HHLA1: variants seen among roughly 807,000 people sequenced by gnomAD.
The protein encoded by HHLA1 is HHLA1 neighbor of OC90.
HHLA1 carries 72 observed loss-of-function variants against 69.9 expected under a neutral mutation model. The observed-to-expected ratio is 1.03, with a 90% CI of 0.85 to 1.25. HHLA1 has a LOEUF of 1.25. Among genes scored for constraint, HHLA1 ranks in the 50% most tolerant of loss-of-function variants. The probability of loss-of-function intolerance (pLI) is 0.00; values close to 1 mark genes in which losing one functional copy is unlikely to be tolerated. For missense variants in HHLA1, 685 were observed against 642.2 expected, an observed-to-expected ratio of 1.07 and a Z score of -0.72; for synonymous variants, 252 against 233.2, an observed-to-expected ratio of 1.08 and a Z score of -0.73.
At position 132,061,604 on chromosome 8, in the gene HHLA1, T is replaced by A. The variant is rs1214707199; in HGVS notation, c.*2391A>T. ...CATCTGCTAACCACTGGTGGCCACA[T>A]ACATACACACTAATTAGTAGGAGTT... On this transcript the variant is annotated 3_prime_UTR_variant, in exon 17 of 17. Transcript: ENST00000414222. 1 of 152,266 alleles carries A rather than the reference T, an allele frequency of 6.6e-6. No individual in the cohort carries two copies. Among genetic ancestry groups the A allele is most frequent in the Non-Finnish European group, 1.5e-5 (1 of 68,106 alleles). The allele number at this position is 152,266 out of a possible 1,614,324, so 9.4% of individuals were successfully genotyped here.
chr8:132,085,159 G>C (rs185017343), intron 10 of HHLA1, among the ~76,000 whole-genome samples: 1 of 152,210 alleles, frequency 6.6e-6, no homozygotes, highest in African/African-American at 2.4e-5. Flanking sequence ...TGAAACGTGA[G>C]TGTATAATCA....
chr8:132,087,809 C>A, intron 9 of HHLA1, 36 bp downstream of exon 9: 1 of 1,546,338 alleles, frequency 6.5e-7, no homozygotes, highest in Non-Finnish European at 8.8e-7. Context: ...TATTTCTCAG[C>A]CCAGAGAGCT....
At position 132,101,200 on chromosome 8, in the gene HHLA1, C is replaced by T. The variant is rs148536818; in HGVS notation, c.140-1066G>A. 12 of 1,549,788 alleles carry T rather than the reference C, an allele frequency of 7.7e-6. No individual in the cohort carries two copies. The African/African-American group carries it at 1.1e-4, about 14-fold the overall frequency. On this transcript the variant is annotated intron_variant, in intron 3 of 16. Coordinates refer to ENST00000414222, the MANE Select transcript of HHLA1 (RefSeq NM_001145095.3). The stretch of plus-strand genomic sequence containing the variant: ...AGTCTGAAAAATGTGCCCTGCATTA[C>T]AGAGTAAGTCAGGATTTAGGGCTGC...
At chr8:132,084,289 G>A (rs1823820785) in intron 10 of HHLA1, among the ~76,000 whole-genome samples, 1 of 152,094 alleles carries the variant, frequency 6.6e-6, no homozygotes, top group South Asian at 2.1e-4. Context: ...GCCTGGCGAG[G>A]AGCAGCCTGG....
At chr8:132,075,549 G>A (rs1823620239) in intron 14 of HHLA1, among the ~76,000 whole-genome samples, 1 of 152,176 alleles carries the variant, frequency 6.6e-6, no homozygotes, top group Admixed American at 6.5e-5. Flanking sequence ...GGATGGAAAG[G>A]GTAGGTATCC....
intron 15 of HHLA1, among the ~76,000 whole-genome samples, chr8:132,069,342 C>A (rs1249850384): frequency 6.6e-6 from 1 of 152,072 alleles, no homozygotes; most frequent in East Asian, 1.9e-4. Context: ...ACATTGCCAA[C>A]TTTCCCACCA....
chr8:132,104,522 C>T (rs554559789), intron 2 of HHLA1, among the ~76,000 whole-genome samples: 4 of 151,948 alleles, frequency 2.6e-5, no homozygotes, highest in Non-Finnish European at 5.9e-5. Context: ...TGAGAGGGGG[C>T]GTTGAGCTGA....
At chr8:132,069,464 G>A (rs1241088825) in intron 15 of HHLA1, among the ~76,000 whole-genome samples, 4 of 152,088 alleles carry the variant, frequency 2.6e-5, no homozygotes, top group East Asian at 1.9e-4. Context: ...TATATTCAGT[G>A]TATGAGTTTA....
intron 14 of HHLA1, among the ~76,000 whole-genome samples, chr8:132,072,989 A>T (rs1823574541): frequency 6.6e-6 from 1 of 152,164 alleles, no homozygotes; most frequent in South Asian, 2.1e-4. Context: ...TTTCCCCTCA[A>T]ATTCCCCATT....
intron 10 of HHLA1, among the ~76,000 whole-genome samples, chr8:132,087,403 A>G (rs560100868): frequency 6.6e-6 from 1 of 152,282 alleles, no homozygotes; most frequent in East Asian, 1.9e-4. Context: ...TGCCCTTCCT[A>G]GTGGGGGAAT....
At chr8:132,065,501 C>G (rs1823419957) in intron 16 of HHLA1, among the ~76,000 whole-genome samples, 1 of 152,194 alleles carries the variant, frequency 6.6e-6, no homozygotes, top group Non-Finnish European at 1.5e-5. Flanking sequence ...CCAGGATGGT[C>G]TCGATCTCCT....
In HHLA1 at chr8:132,098,935, G is replaced by T; in HGVS notation, c.227C>A (p.Ser76Tyr). ...TELPARSIDL[S>Y]ALNLTELVNG... Reference sequence around the variant, plus strand: ...CACAAGCTCTGTCAGGTTAAGCGCGGACAGATCGATTGACCTTGCGGGCAG... The same window carrying T: ...CACAAGCTCTGTCAGGTTAAGCGCGTACAGATCGATTGACCTTGCGGGCAG... The change falls in exon 5 of 17, where the codon TCC (serine) becomes TAC (tyrosine). Residue 76 changes from serine (S) to tyrosine (Y), a missense_variant. Coordinates refer to ENST00000414222, the MANE Select transcript of HHLA1 (RefSeq NM_001145095.3). The T allele has an allele frequency of 6.4e-7, 1 of 1,550,994 alleles. No homozygotes were observed. The highest frequency in any genetic ancestry group is 8.7e-7 in the Non-Finnish European group (1 of 1,146,450).
chr8:132,080,792 C>T (rs1823738473), intron 10 of HHLA1: 1 of 152,236 alleles, frequency 6.6e-6, no homozygotes, highest in Non-Finnish European at 1.5e-5. Flanking sequence ...CGATGTTTCT[C>T]AGGGCTGCTT....
chr8:132,092,026 G>A (rs533620980), intron 7 of HHLA1, among the ~76,000 whole-genome samples: 13 of 152,186 alleles, frequency 8.5e-5, no homozygotes, highest in African/African-American at 3.1e-4. Context: ...AATAAATCAT[G>A]GTACATTCTT....
intron 10 of HHLA1, among the ~76,000 whole-genome samples, chr8:132,083,145 T>C (rs1388443853): frequency 6.7e-6 from 1 of 148,226 alleles, no homozygotes; most frequent in Admixed American, 6.7e-5. Context: ...AGGGTGGCAA[T>C]GAGATATAGC....
At chr8:132,096,769 G>T (rs1824032423) in intron 5 of HHLA1, among the ~76,000 whole-genome samples, 1 of 152,154 alleles carries the variant, frequency 6.6e-6, no homozygotes, top group Non-Finnish European at 1.5e-5. Context: ...AAGGGGAAAG[G>T]TGGGTATGCC....
chr8:132,092,136 T>C (rs1823956300), intron 7 of HHLA1, among the ~76,000 whole-genome samples: 1 of 152,178 alleles, frequency 6.6e-6, no homozygotes, highest in South Asian at 2.1e-4. Context: ...GAGAGTAGAT[T>C]ATAAAATTGC....
intron 10 of HHLA1, among the ~76,000 whole-genome samples, chr8:132,083,975 T>C (rs1405622355): frequency 6.6e-6 from 1 of 151,044 alleles, no homozygotes; most frequent in Non-Finnish European, 1.5e-5. Flanking sequence ...CCTTTTGACC[T>C]TTTAGGGTCT....
At chr8:132,106,288 A>G (rs925335805) in intron 1 of HHLA1, among the ~76,000 whole-genome samples, 1 of 152,240 alleles carries the variant, frequency 6.6e-6, no homozygotes, top group African/African-American at 2.4e-5. Context: ...GGCAAATTGC[A>G]TGTTGAGAAG....
Sources: allele counts gnomAD v4.1 joint callset (sites outside exome capture counted in the v4.1 genomes callset), GRCh38; gene constraint gnomAD v4.1.1; transcripts MANE v1.5; gene names NCBI Gene and HGNC (gene_info 2026-07-23, HGNC 2026-07-21).